XKR6: variants seen among roughly 807,000 people sequenced by gnomAD.
The protein encoded by XKR6 is XK-related protein 6.
Under a neutral mutation model 56.7 loss-of-function variants are expected in XKR6, and 22 were observed. That is an observed-to-expected ratio of 0.39 (90% CI 0.28 to 0.55). XKR6 has a LOEUF of 0.55. Among genes scored for constraint, XKR6 ranks in the 20% least tolerant of loss-of-function variants. XKR6 has a pLI of 0.66. For missense variants in XKR6, 852 were observed against 889.0 expected, an observed-to-expected ratio of 0.96 and a Z score of 0.53; for synonymous variants, 524 against 387.8, an observed-to-expected ratio of 1.35 and a Z score of -4.13.
intron 1 of XKR6, among the ~76,000 whole-genome samples, chr8:11,185,617 T>C (rs887422015): frequency 6.6e-6 from 1 of 152,210 alleles, no homozygotes; most frequent in Non-Finnish European, 1.5e-5. Context: ...TGGCACCCAA[T>C]AAAGTCTCCA....
At chr8:11,076,586 T>C (rs1800280284) in intron 1 of XKR6, among the ~76,000 whole-genome samples, 1 of 152,132 alleles carries the variant, frequency 6.6e-6, no homozygotes, top group Non-Finnish European at 1.5e-5. Context: ...TAAATTTCAA[T>C]TTTCTAACCT....
At chr8:11,080,344 G>A (rs141470283) in intron 1 of XKR6, among the ~76,000 whole-genome samples, 1 of 151,874 alleles carries the variant, frequency 6.6e-6, no homozygotes, top group East Asian at 1.9e-4. Flanking sequence ...CTTTTTATAA[G>A]AAAGGACAGG....
chr8:11,140,897 CAAA>C (rs35388667), intron 1 of XKR6, among the ~76,000 whole-genome samples: 1 of 88,122 alleles, frequency 1.1e-5, no homozygotes, highest in African/African-American at 4.1e-5. Context: ...GACTCTGTCT[CAAA>C]AAAAAAAAAA....
intron 1 of XKR6, among the ~76,000 whole-genome samples, chr8:11,147,115 T>C (rs1282468957): frequency 6.6e-6 from 1 of 151,592 alleles, no homozygotes; most frequent in African/African-American, 2.4e-5. Flanking sequence ...TAATAATAAA[T>C]AAATAAAGGG....
chr8:11,110,884 T>C (rs1798861195), intron 1 of XKR6, among the ~76,000 whole-genome samples: 1 of 152,010 alleles, frequency 6.6e-6, no homozygotes, highest in African/African-American at 2.4e-5. Context: ...TTGCCCAGGC[T>C]GGAGTGCAGT....
chr8:10,979,381 C>T (rs1022277915), intron 1 of XKR6, among the ~76,000 whole-genome samples: 24 of 152,116 alleles, frequency 1.6e-4, no homozygotes, highest in African/African-American at 5.8e-4. Flanking sequence ...ACAGGGGTCC[C>T]AGTGGCCCCA....
intron 1 of XKR6, among the ~76,000 whole-genome samples, chr8:11,141,325 G>A (rs371047795): frequency 6.6e-6 from 1 of 152,146 alleles, no homozygotes; most frequent in African/African-American, 2.4e-5. Context: ...CAACACCATA[G>A]CACTGGGAGG....
At chr8:11,067,947 G>A (rs557109652) in intron 1 of XKR6, among the ~76,000 whole-genome samples, 1 of 152,346 alleles carries the variant, frequency 6.6e-6, no homozygotes, top group African/African-American at 2.4e-5. Context: ...TGCCCTCATC[G>A]GTCTGCATAG....
At chr8:10,942,826 G>C (rs1801425733) in intron 1 of XKR6, among the ~76,000 whole-genome samples, 1 of 152,196 alleles carries the variant, frequency 6.6e-6, no homozygotes, top group Non-Finnish European at 1.5e-5. Context: ...TTGGAGTCCT[G>C]ACTTGCAGCC....
chr8:11,018,936 C>G (rs1798687277), intron 1 of XKR6, among the ~76,000 whole-genome samples: 1 of 152,190 alleles, frequency 6.6e-6, no homozygotes, highest in Non-Finnish European at 1.5e-5. Flanking sequence ...CTCCTGCCAC[C>G]ATGCTCATCT....
chr8:11,173,426 T>TATAC (rs1563193747), intron 1 of XKR6, among the ~76,000 whole-genome samples: 1 of 150,640 alleles, frequency 6.6e-6, no homozygotes, highest in African/African-American at 2.4e-5. Flanking sequence ...CATATATATA[T>TATAC]ATAACAGCTC....
chr8:10,949,381 G>C (rs1483970323), intron 1 of XKR6, among the ~76,000 whole-genome samples: 4 of 152,234 alleles, frequency 2.6e-5, no homozygotes, highest in African/African-American at 9.6e-5. Flanking sequence ...CCGTGGATGA[G>C]GATCTGGGAG....
At chr8:11,160,629 G>A (rs1280106981) in intron 1 of XKR6, among the ~76,000 whole-genome samples, 4 of 152,108 alleles carry the variant, frequency 2.6e-5, no homozygotes, top group African/African-American at 9.7e-5. Flanking sequence ...TGGTTCACAG[G>A]CTGGGCGTGG....
chr8:11,160,705 C>T (rs534835091), intron 1 of XKR6, among the ~76,000 whole-genome samples: 2 of 152,090 alleles, frequency 1.3e-5, no homozygotes, highest in African/African-American at 2.4e-5. Flanking sequence ...GTCAAGAGAT[C>T]GAGACCAGCC....
chr8:10,986,424 T>A (rs1245202609), intron 1 of XKR6, among the ~76,000 whole-genome samples: 2 of 152,244 alleles, frequency 1.3e-5, no homozygotes, highest in African/African-American at 2.4e-5. Context: ...ATATGGTTTT[T>A]AAAATTTGTA....
intron 2 of XKR6, among the ~76,000 whole-genome samples, chr8:10,900,896 T>G (rs1170020585): frequency 7.0e-6 from 1 of 143,264 alleles, no homozygotes; most frequent in Non-Finnish European, 1.5e-5. Flanking sequence ...ACCCTGTCGC[T>G]CAGGCTGGAG....
intron 1 of XKR6, among the ~76,000 whole-genome samples, chr8:11,110,033 C>T (rs1164031273): frequency 1.3e-5 from 2 of 152,102 alleles, no homozygotes; most frequent in African/African-American, 2.4e-5. Flanking sequence ...AGTGCAGTGA[C>T]ACAATCTCGG....
intron 1 of XKR6, among the ~76,000 whole-genome samples, chr8:11,076,934 T>C (rs926765553): frequency 6.6e-6 from 1 of 152,176 alleles, no homozygotes; most frequent in Non-Finnish European, 1.5e-5. Context: ...CCCAGCACTT[T>C]GGAGGCTGAG....
intron 1 of XKR6, among the ~76,000 whole-genome samples, chr8:11,185,175 C>G (rs1803206376): frequency 6.6e-6 from 1 of 152,112 alleles, no homozygotes; most frequent in South Asian, 2.1e-4. Context: ...CCGCCGTGTG[C>G]CCTGAGCTCC....
Sources: gnomAD v4.1 joint callset for allele counts (sites outside exome capture counted in the v4.1 genomes callset) on GRCh38, gnomAD v4.1.1 for gene constraint, MANE v1.5 for transcripts, NCBI Gene and HGNC (gene_info 2026-07-23, HGNC 2026-07-21) for gene names.